GRXCR1: variants seen among roughly 807,000 people sequenced by gnomAD.
GRXCR1 encodes glutaredoxin domain-containing cysteine-rich protein 1.
GRXCR1 carries 27 observed loss-of-function variants against 27.3 expected under a neutral mutation model. That is an observed-to-expected ratio of 0.99 (90% CI 0.73 to 1.37). The LOEUF (loss-of-function observed/expected upper bound fraction) is 1.37. Among genes scored for constraint, GRXCR1 ranks in the 40% most tolerant of loss-of-function variants. The probability of loss-of-function intolerance (pLI) is 0.00; values close to 1 mark genes in which losing one functional copy is unlikely to be tolerated. For synonymous variants in GRXCR1, 122 were observed against 131.1 expected (o/e 0.93, Z 0.47); for missense variants, 379 against 354.4 (o/e 1.07, Z -0.56).
chr4:42,912,113 A>G (rs1746734119), intron 1 of GRXCR1, among the ~76,000 whole-genome samples: 1 of 152,156 alleles, frequency 6.6e-6, no homozygotes, highest in Non-Finnish European at 1.5e-5. Context: ...GTCCAGGTAT[A>G]GTTATCAGAG....
In GRXCR1 at chr4:42,983,838, C is replaced by CTTT. The variant is rs201795629; in HGVS notation, c.627+20717_627+20719dup. ...GTCTTTATGTTCAGAGATTTTCTTT[C>CTTT]TTTTTTTTTTTTTTTCAGACAGAGT... On this transcript the variant is annotated intron_variant, in intron 2 of 3. Transcript: ENST00000399770. Among the ~76,000 whole-genome samples the CTTT allele has an allele frequency of 4.3e-3, 582 of 135,942 alleles. 8 individuals are homozygous for CTTT. The highest frequency in any genetic ancestry group is 0.014 in the African/African-American group (531 of 36,670). 89.2% of individuals were successfully genotyped at this position (135,942 alleles called of 152,430 possible). A position where few individuals can be genotyped will look rare whatever the true frequency, so the allele number is the denominator to read the frequency against.
At chr4:43,020,710 T>C (rs2109807301) in intron 3 of GRXCR1, among the ~76,000 whole-genome samples, 1 of 152,284 alleles carries the variant, frequency 6.6e-6, no homozygotes, top group East Asian at 1.9e-4. Flanking sequence ...AGTCAGGAAA[T>C]GGTCTTGATG....
rs140146060 is a variant in GRXCR1 at position 42,962,144 on chromosome 4, A to G, written c.385-748A>G. 8.2e-3 allele frequency among the ~76,000 whole-genome samples: 1,241 copies of G among 152,060 alleles called. 55 individuals carry two copies. Among genetic ancestry groups the G allele is most frequent in the Admixed American group, 0.072 (1,104 of 15,258 alleles). ...AGTCACTGACATCTGAAATGTAGAA[A>G]AAGATTCTCACACAGGACAGTCTTC... On this transcript the variant is annotated intron_variant, in intron 1 of 3. Transcript: ENST00000399770.
intron 1 of GRXCR1, among the ~76,000 whole-genome samples, chr4:42,910,631 G>T (rs1395228539): frequency 6.6e-6 from 1 of 152,116 alleles, no homozygotes. Flanking sequence ...TGAAGCTGTG[G>T]CTGGAATTCA....
At chr4:42,946,767 C>T (rs1386417608) in intron 1 of GRXCR1, among the ~76,000 whole-genome samples, 1 of 152,078 alleles carries the variant, frequency 6.6e-6, no homozygotes, top group African/African-American at 2.4e-5. Flanking sequence ...TCTCAAAAGC[C>T]CCATCTCTTA....
chr4:42,933,152 G>A lies in GRXCR1; in HGVS notation c.385-29740G>A, dbSNP rs565896628. 7.9e-5 allele frequency among the ~76,000 whole-genome samples: 12 copies of A among 151,990 alleles called. No individual in the cohort carries two copies. In the South Asian group the frequency reaches 2.5e-3, roughly 32 times the overall value. ...AATTACTAAGCAAAGAGGAAATCAGGACACATCCCATGTCTAATGCTCAGT... is the reference window on the plus strand; with the variant it reads ...AATTACTAAGCAAAGAGGAAATCAGAACACATCCCATGTCTAATGCTCAGT... On this transcript the variant is annotated intron_variant, in intron 1 of 3. Coordinates refer to ENST00000399770, the MANE Select transcript of GRXCR1 (RefSeq NM_001080476.3).
intron 1 of GRXCR1, among the ~76,000 whole-genome samples, chr4:42,914,449 G>A (rs1746840281): frequency 6.6e-6 from 1 of 152,184 alleles, no homozygotes; most frequent in Non-Finnish European, 1.5e-5. Flanking sequence ...TAGCCCCTTT[G>A]TTTTGGCCAA....
chr4:42,990,292 C>T (rs1306776981), intron 2 of GRXCR1, among the ~76,000 whole-genome samples: 12 of 141,236 alleles, frequency 8.5e-5, no homozygotes, highest in South Asian at 4.5e-4. Flanking sequence ...CCCGGGTTCA[C>T]GCCATTCTCC....
intron 2 of GRXCR1, among the ~76,000 whole-genome samples, chr4:42,994,285 C>T (rs1022928685): frequency 6.6e-6 from 1 of 152,080 alleles, no homozygotes; most frequent in Non-Finnish European, 1.5e-5. Flanking sequence ...TTCAAAGTCT[C>T]TCATTGAAGA....
At chr4:42,905,539 T>C (rs1485399860) in intron 1 of GRXCR1, among the ~76,000 whole-genome samples, 1 of 152,206 alleles carries the variant, frequency 6.6e-6, no homozygotes, top group Non-Finnish European at 1.5e-5. Flanking sequence ...GCTGAGTTTT[T>C]TTCGTGGCTT....
chr4:42,956,351 G>C (rs540076148), intron 1 of GRXCR1, among the ~76,000 whole-genome samples: 9 of 152,224 alleles, frequency 5.9e-5, no homozygotes, highest in African/African-American at 2.2e-4. Flanking sequence ...CTCAGGAAGG[G>C]AGAAGAGGGA....
At chr4:43,019,066 TA>T (rs1372316141) in intron 2 of GRXCR1, among the ~76,000 whole-genome samples, 1 of 152,176 alleles carries the variant, frequency 6.6e-6, no homozygotes, top group African/African-American at 2.4e-5. Context: ...AACCAAGAAG[TA>T]AATACTCCTA....
intron 1 of GRXCR1, among the ~76,000 whole-genome samples, chr4:42,937,531 T>G (rs973723865): frequency 2.6e-5 from 4 of 151,898 alleles, no homozygotes; most frequent in South Asian, 4.1e-4. Context: ...TGCTATCCTG[T>G]GTATTTCCAC....
At chr4:42,920,625 T>G (rs1335693960) in intron 1 of GRXCR1, among the ~76,000 whole-genome samples, 6 of 152,148 alleles carry the variant, frequency 3.9e-5, no homozygotes, top group Admixed American at 6.5e-5. Context: ...CAGTGGGTCC[T>G]TTTATCTTAT....
At chr4:42,970,343 C>A (rs1748356582) in intron 2 of GRXCR1, among the ~76,000 whole-genome samples, 1 of 152,118 alleles carries the variant, frequency 6.6e-6, no homozygotes, top group Non-Finnish European at 1.5e-5. Flanking sequence ...GGGCTCCAAC[C>A]TCACATTTCC....
chr4:42,915,721 C>G (rs891588585), intron 1 of GRXCR1, among the ~76,000 whole-genome samples: 2 of 152,052 alleles, frequency 1.3e-5, no homozygotes, highest in Non-Finnish European at 2.9e-5. Context: ...AGTCATAGCC[C>G]AGTCCCATTT....
At chr4:42,936,310 C>G (rs1168890285) in intron 1 of GRXCR1, among the ~76,000 whole-genome samples, 1 of 151,798 alleles carries the variant, frequency 6.6e-6, no homozygotes, top group Non-Finnish European at 1.5e-5. Flanking sequence ...ATCCATTTAT[C>G]CAATTTTAAT....
At chr4:42,938,734 T>A (rs1747521113) in intron 1 of GRXCR1, among the ~76,000 whole-genome samples, 1 of 152,012 alleles carries the variant, frequency 6.6e-6, no homozygotes, top group Admixed American at 6.6e-5. Flanking sequence ...TATTCAGTTT[T>A]CCCAGCACCA....
intron 2 of GRXCR1, among the ~76,000 whole-genome samples, chr4:42,965,539 C>A (rs1748218241): frequency 6.6e-6 from 1 of 151,950 alleles, no homozygotes; most frequent in Non-Finnish European, 1.5e-5. Context: ...GAAGGATGCC[C>A]TCTGCTGGGT....
Sources: gnomAD v4.1 joint callset for allele counts (sites outside exome capture counted in the v4.1 genomes callset) on GRCh38, gnomAD v4.1.1 for gene constraint, MANE v1.5 for transcripts, NCBI Gene and HGNC (gene_info 2026-07-23, HGNC 2026-07-21) for gene names.